The following SGCZ variants were observed in gnomAD, a reference collection of about 807,000 sequenced individuals.
SGCZ encodes the protein sarcoglycan zeta.
A neutral mutation model predicts 41.3 loss-of-function variants in SGCZ; 40 were observed. The ratio of observed to expected loss-of-function variants is 0.97; its 90% CI spans 0.75 to 1.26. The LOEUF (loss-of-function observed/expected upper bound fraction) is 1.26, where lower values mean the gene tolerates loss of function less well. Among genes scored for constraint, SGCZ ranks in the 50% most tolerant of loss-of-function variants. The pLI, the probability that SGCZ is intolerant of heterozygous loss-of-function variation, is 0.00. For synonymous variants in SGCZ, 206 were observed against 137.5 expected (o/e 1.50, Z -3.49); for missense variants, 552 against 369.8 (o/e 1.49, Z -4.04).
intron 4 of SGCZ, among the ~76,000 whole-genome samples, chr8:14,198,624 G>A (rs1000137609): frequency 1.1e-4 from 17 of 151,922 alleles, no homozygotes; most frequent in African/African-American, 4.1e-4. Flanking sequence ...AAAAAGAACT[G>A]ATCTTTTTAA....
intron 1 of SGCZ, among the ~76,000 whole-genome samples, chr8:14,560,285 A>G: frequency 6.6e-6 from 1 of 152,088 alleles, no homozygotes; most frequent in South Asian, 2.1e-4. Context: ...TGATCATCCA[A>G]CTTTGTATAC....
intron 1 of SGCZ, among the ~76,000 whole-genome samples, chr8:14,612,966 G>A (rs74867644): frequency 0.033 from 5,074 of 152,244 alleles, 273 homozygotes; most frequent in African/African-American, 0.11. Context: ...GATTACAGGC[G>A]TGAGCCACCA....
chr8:15,197,515 T>C (rs1003886366), intron 1 of SGCZ, among the ~76,000 whole-genome samples: 1 of 152,166 alleles, frequency 6.6e-6, no homozygotes, highest in Non-Finnish European at 1.5e-5. Flanking sequence ...GAATTCTCAG[T>C]TGCAAATAAT....
chr8:14,402,213 G>A (rs561026049), intron 2 of SGCZ, among the ~76,000 whole-genome samples: 5,444 of 150,820 alleles, frequency 0.036, 304 homozygotes, highest in African/African-American at 0.12. Context: ...AGTAGGTTGC[G>A]AAAATTTTCT....
At chr8:15,191,482 T>G (rs1800535288) in intron 1 of SGCZ, among the ~76,000 whole-genome samples, 1 of 152,036 alleles carries the variant, frequency 6.6e-6, no homozygotes, top group African/African-American at 2.4e-5. Context: ...CAATTTAAGA[T>G]TTTAAAGGTT....
chr8:14,334,565 T>C (rs926573234), intron 2 of SGCZ, among the ~76,000 whole-genome samples: 6 of 152,120 alleles, frequency 3.9e-5, no homozygotes, highest in African/African-American at 1.4e-4. Flanking sequence ...TAACTATTTC[T>C]GAGTTAATTT....
At chr8:14,105,520 A>C (rs1027858335) in intron 6 of SGCZ, among the ~76,000 whole-genome samples, 2 of 152,096 alleles carry the variant, frequency 1.3e-5, no homozygotes, top group Non-Finnish European at 2.9e-5. Context: ...AATTGTCAGC[A>C]AGGCTTGTAA....
chr8:14,605,422 C>A (rs1805717607), intron 1 of SGCZ, among the ~76,000 whole-genome samples: 1 of 152,052 alleles, frequency 6.6e-6, no homozygotes, highest in Non-Finnish European at 1.5e-5. Flanking sequence ...GAATTACACT[C>A]TTTTAGTTAC....
At chr8:14,410,621 C>A (rs1799334284) in intron 2 of SGCZ, among the ~76,000 whole-genome samples, 1 of 151,112 alleles carries the variant, frequency 6.6e-6, no homozygotes, top group South Asian at 2.1e-4. Flanking sequence ...GGGTGGTGGA[C>A]AAGGGGAGGG....
chr8:14,628,008 T>C (rs73664411), intron 1 of SGCZ, among the ~76,000 whole-genome samples: 4,792 of 152,184 alleles, frequency 0.031, 249 homozygotes, highest in African/African-American at 0.11. Flanking sequence ...TATGTCCCAG[T>C]TTATCCCTAT....
At chr8:14,655,870 C>A (rs73523540) in intron 1 of SGCZ, among the ~76,000 whole-genome samples, 4 of 152,092 alleles carry the variant, frequency 2.6e-5, no homozygotes, top group South Asian at 2.1e-4. Context: ...TACTATGCAA[C>A]CTTTTGTGGT....
chr8:14,377,999 T>C (rs1470966398), intron 2 of SGCZ, among the ~76,000 whole-genome samples: 3 of 149,680 alleles, frequency 2.0e-5, no homozygotes, highest in Non-Finnish European at 4.4e-5. Context: ...TACGTGTGCA[T>C]GTGTCTTTAT....
At chr8:14,248,934 A>C (rs1229840289) in intron 3 of SGCZ, among the ~76,000 whole-genome samples, 1 of 152,206 alleles carries the variant, frequency 6.6e-6, no homozygotes, top group Non-Finnish European at 1.5e-5. Context: ...ATTACAAATA[A>C]TAATGGAATT....
chr8:14,542,200 T>G (rs971731913), intron 2 of SGCZ, among the ~76,000 whole-genome samples: 3 of 152,082 alleles, frequency 2.0e-5, no homozygotes, highest in African/African-American at 7.2e-5. Context: ...TCATGAAGTC[T>G]TTGTCCATGC....
intron 1 of SGCZ, among the ~76,000 whole-genome samples, chr8:14,762,245 T>G (rs73199275): frequency 0.017 from 2,619 of 152,272 alleles, 36 homozygotes; most frequent in Middle Eastern, 0.037. Flanking sequence ...TATGGAGTCA[T>G]GAATAAATCT....
intron 5 of SGCZ, among the ~76,000 whole-genome samples, chr8:14,152,128 G>C (rs1221541108): frequency 6.6e-6 from 1 of 151,838 alleles, no homozygotes; most frequent in Non-Finnish European, 1.5e-5. Flanking sequence ...TTGACTAATA[G>C]AATAAGAAAA....
At chr8:14,724,974 C>G (rs1436680833) in intron 1 of SGCZ, among the ~76,000 whole-genome samples, 2 of 151,986 alleles carry the variant, frequency 1.3e-5, no homozygotes, top group Non-Finnish European at 1.5e-5. Flanking sequence ...ACCATTAACC[C>G]CCACCAACAC....
At chr8:14,692,947 C>T (rs1189942891) in intron 1 of SGCZ, among the ~76,000 whole-genome samples, 1 of 152,164 alleles carries the variant, frequency 6.6e-6, no homozygotes, top group East Asian at 1.9e-4. Context: ...TTGGCTTTCA[C>T]CCAAAAGTGG....
chr8:14,614,986 G>C, intron 1 of SGCZ, among the ~76,000 whole-genome samples: 1 of 133,376 alleles, frequency 7.5e-6, no homozygotes, highest in East Asian at 2.6e-4. Context: ...ACACACATAT[G>C]TGTGTGTATA....
Sources: allele counts gnomAD v4.1 joint callset (sites outside exome capture counted in the v4.1 genomes callset), GRCh38; gene constraint gnomAD v4.1.1; transcripts MANE v1.5; gene names NCBI Gene and HGNC (gene_info 2026-07-23, HGNC 2026-07-21).